The following OR2M7 variants were observed in gnomAD, a reference collection of about 807,000 sequenced individuals.
The protein encoded by OR2M7 is olfactory receptor family 2 subfamily M member 7.
For synonymous variants in OR2M7, 129 were observed against 135.0 expected (o/e 0.96, Z 0.31); for missense variants, 390 against 386.8 (o/e 1.01, Z -0.07).
At position 248,324,061 on chromosome 1, in the gene OR2M7, C is replaced by A. The variant is rs370494801; in HGVS notation, c.508G>T (p.Gly170Trp). 7 of 1,613,686 alleles carry A rather than the reference C, an allele frequency of 4.3e-6. No individual in the cohort carries two copies. In the African/African-American group the frequency reaches 9.4e-5, roughly 22 times the overall value. Residue 170 changes from glycine (G) to tryptophan (W), a missense_variant, in exon 1 of 1, where the codon GGG (glycine) becomes TGG (tryptophan). Physicochemically the swap from Gly to Trp is radical, Grantham distance 184. Coordinates refer to ENST00000317965, the MANE Select transcript of OR2M7 (RefSeq NM_001004691.1). ...CAGAAGTGGGCTATTTCCCGAGACC[C>A]ACAGTAGGAGAAGGAAAATGTCGCT... is the stretch of plus-strand genomic sequence containing the variant. ...AVATFSFSYC[G>W]SREIAHFCCD...
chr1:248,323,854 T>C lies in OR2M7; in HGVS notation c.715A>G (p.Thr239Ala). The C allele has an allele frequency of 6.2e-7, 1 of 1,612,976 alleles. No individual in the cohort carries two copies. The highest frequency in any genetic ancestry group is 8.5e-7 in the Non-Finnish European group (1 of 1,179,792). ...GSGEGRRKAF[T>A]TCSSHLMVVG... ...ACCATGAGGTGAGAGGAACAAGTAGTAAAAGCTTTGCGACGTCCCTCTCCA... is the reference window on the plus strand; with the variant it reads ...ACCATGAGGTGAGAGGAACAAGTAGCAAAAGCTTTGCGACGTCCCTCTCCA... The change falls in exon 1 of 1, where the codon ACT becomes GCT. Residue 239 changes from threonine to alanine, a missense_variant. Thr to Ala is a moderately conservative substitution (Grantham distance 58, BLOSUM62 0). Transcript: ENST00000317965.
Position 248,323,633 on chromosome 1 carries a change from A to T in OR2M7, c.936T>A (p.Asp312Glu). 6.4e-7 allele frequency: 1 copy of T among 1,561,270 alleles called. No individual in the cohort carries two copies. Among genetic ancestry groups the T allele is most frequent in the Non-Finnish European group, 8.6e-7 (1 of 1,156,796 alleles). Residue 312 changes from aspartate (D) to glutamate (E), a missense_variant, in exon 1 of 1, where the codon GAT (aspartate) becomes GAA (glutamate). Transcript: ENST00000317965. ...MKILGKGKSG[D>E] ...AACATGAAATTTATGAGGTAACTCA[A>T]TCTCCAGACTTGCCCTTTCCTAAGA...
chr1:248,323,745 G>A lies in OR2M7; in HGVS notation c.824C>T (p.Ser275Phe). ...HHSPMQDKMVSVFYTIVTPML... is the reference protein window; with the variant it reads ...HHSPMQDKMVFVFYTIVTPML... The stretch of plus-strand genomic sequence containing the variant: ...GGGAGTGACGATGGTGTAGAATACA[G>A]ACACCATCTTGTCCTGCATAGGAGA... The change falls in exon 1 of 1, where the codon TCT becomes TTT. Residue 275 changes from serine (S) to phenylalanine (F), a missense_variant. Physicochemically the swap from Ser to Phe is radical, Grantham distance 155 (BLOSUM62 -2). Coordinates refer to ENST00000317965, the MANE Select transcript of OR2M7 (RefSeq NM_001004691.1). 1 of 1,613,298 alleles carries A rather than the reference G, an allele frequency of 6.2e-7. No individual in the cohort carries two copies. The highest frequency in any genetic ancestry group is 8.5e-7 in the Non-Finnish European group (1 of 1,179,368).
chr1:248,323,679 A>G lies in OR2M7; in HGVS notation c.890T>C (p.Val297Ala). Reference sequence around the variant, plus strand: ...TAAGATTTTCATTAATGCTCTGGTCACTTCCTTGTTGCGGAGGCTATAAAT... The same window carrying G: ...TAAGATTTTCATTAATGCTCTGGTCGCTTCCTTGTTGCGGAGGCTATAAAT... ...PLIYSLRNKEVTRALMKILGK... is the reference protein window; with the variant it reads ...PLIYSLRNKEATRALMKILGK... The change falls in exon 1 of 1, where the codon GTG becomes GCG. Residue 297 changes from valine to alanine, a missense_variant. By Grantham distance (64) the Val-to-Ala change is moderately conservative. Coordinates refer to ENST00000317965, the MANE Select transcript of OR2M7 (RefSeq NM_001004691.1). 6.2e-7 allele frequency: 1 copy of G among 1,608,608 alleles called. No homozygotes were observed. Among genetic ancestry groups the G allele is most frequent in the Non-Finnish European group, 8.5e-7 (1 of 1,177,530 alleles).
At position 248,324,001 on chromosome 1, in the gene OR2M7, T is replaced by C; in HGVS notation, c.568A>G (p.Asn190Asp). ...DFPSLLILSC[N>D]DTSIFEEVIF... ...ACCTCTTCAAATATTGATGTGTCAT[T>C]GCATGAGAGGATTAGTAGGGAAGGG... The change falls in exon 1 of 1, where the codon AAT (asparagine) becomes GAT (aspartate). Residue 190 changes from asparagine (N) to aspartate (D), a missense_variant. Physicochemically the swap from Asn to Asp is conservative, Grantham distance 23 (BLOSUM62 1). Transcript: ENST00000317965. 1 of 1,613,866 alleles carries C rather than the reference T, an allele frequency of 6.2e-7. No individual in the cohort carries two copies. Among genetic ancestry groups the C allele is most frequent in the Non-Finnish European group, 8.5e-7 (1 of 1,179,822 alleles).
rs201887074 is a variant in OR2M7 at position 248,324,344 on chromosome 1, G to T, written c.225C>A (p.Cys75Ter). Residue 75 changes from cysteine to a stop codon, truncating the protein, a stop_gained, in exon 1 of 1, where the codon TGC (cysteine) becomes TGA (stop). Transcript: ENST00000317965. LOFTEE classifies it low-confidence loss of function (END_TRUNC). Reference protein sequence around the residue: ...QLSLMDLMLICTTVPKMAFNY... With the variant: ...QLSLMDLMLI Reference sequence around the variant, plus strand: ...TGAAGGCCATCTTGGGTACAGTGGTGCAGATGAGCATGAGGTCCATGAGGG... The same window carrying T: ...TGAAGGCCATCTTGGGTACAGTGGTTCAGATGAGCATGAGGTCCATGAGGG... 30 of 1,613,928 alleles carry T rather than the reference G, an allele frequency of 1.9e-5. No homozygotes were observed. Among genetic ancestry groups the T allele is most frequent in the Non-Finnish European group, 2.4e-5 (28 of 1,179,958 alleles).
chr1:248,323,730 A>G lies in OR2M7; in HGVS notation c.839T>C (p.Ile280Thr). 2 of 1,613,672 alleles carry G rather than the reference A, an allele frequency of 1.2e-6. No individual in the cohort carries two copies. The highest frequency in any genetic ancestry group is 8.5e-7 in the Non-Finnish European group (1 of 1,179,704). ...GAGAGGATTCAGCATGGGAGTGACG[A>G]TGGTGTAGAATACAGACACCATCTT... ...QDKMVSVFYT[I>T]VTPMLNPLIY... Residue 280 changes from isoleucine to threonine, a missense_variant, in exon 1 of 1, where the codon ATC becomes ACC. Transcript: ENST00000317965.
chr1:248,323,647 C>A lies in OR2M7; in HGVS notation c.922G>T (p.Gly308Cys). Residue 308 changes from glycine (G) to cysteine (C), a missense_variant, in exon 1 of 1, where the codon GGC (glycine) becomes TGC (cysteine). Transcript: ENST00000317965. ...TRALMKILGK[G>C]KSGD ...GAGGTAACTCAATCTCCAGACTTGCCCTTTCCTAAGATTTTCATTAATGCT... is the reference window on the plus strand; with the variant it reads ...GAGGTAACTCAATCTCCAGACTTGCACTTTCCTAAGATTTTCATTAATGCT... 1 of 1,582,938 alleles carries A rather than the reference C, an allele frequency of 6.3e-7. No homozygotes were observed. The highest frequency in any genetic ancestry group is 8.6e-7 in the Non-Finnish European group (1 of 1,165,396).
chr1:248,324,095 A>G lies in OR2M7; in HGVS notation c.474T>C (p.Ile158=). Residue 158 remains isoleucine, a synonymous_variant, in exon 1 of 1, where the codon ATT becomes ATC. Transcript: ENST00000317965. The part of the protein sequence containing the change: ...SWILGSTDGI[I]DAVATFSFSY... ...AGAAGGAAAATGTCGCTACAGCATC[A>G]ATGATTCCATCTGTAGAGCCCAGGA... The G allele has an allele frequency of 6.2e-7, 1 of 1,613,914 alleles. No homozygotes were observed. The highest frequency in any genetic ancestry group is 8.5e-7 in the Non-Finnish European group (1 of 1,179,840).
At position 248,324,046 on chromosome 1, in the gene OR2M7, C is replaced by T. The variant is rs781730003; in HGVS notation, c.523G>A (p.Ala175Thr). The change falls in exon 1 of 1, where the codon GCC (alanine) becomes ACC (threonine). Residue 175 changes from alanine to threonine, a missense_variant. Coordinates refer to ENST00000317965, the MANE Select transcript of OR2M7 (RefSeq NM_001004691.1). ...SFSYCGSREI[A>T]HFCCDFPSLL... The stretch of plus-strand genomic sequence containing the variant: ...GAAGGGAAGTCACAGCAGAAGTGGG[C>T]TATTTCCCGAGACCCACAGTAGGAG... 1 of 1,613,784 alleles carries T rather than the reference C, an allele frequency of 6.2e-7. No individual in the cohort carries two copies. The highest frequency in any genetic ancestry group is 1.1e-5 in the South Asian group (1 of 91,052).
Position 248,323,865 on chromosome 1 carries a change from C to T in OR2M7, c.704G>A (p.Arg235His), listed in dbSNP as rs144015069. Reference protein sequence around the residue: ...VIHMGSGEGRRKAFTTCSSHL... With the variant: ...VIHMGSGEGRHKAFTTCSSHL... ...AGAGGAACAAGTAGTAAAAGCTTTG[C>T]GACGTCCCTCTCCAGATCCCATGTG... The change falls in exon 1 of 1, where the codon CGC (arginine) becomes CAC (histidine). Residue 235 changes from arginine (R) to histidine (H), a missense_variant. Physicochemically the swap from Arg to His is conservative, Grantham distance 29 (BLOSUM62 0). Transcript: ENST00000317965. The T allele has an allele frequency of 4.0e-5, 64 of 1,612,590 alleles. No homozygotes were observed. The highest frequency in any genetic ancestry group is 1.9e-4 in the Middle Eastern group (1 of 5,138).
rs770768904 is a variant in OR2M7, at chr1:248,324,386, G to T, written c.183C>A (p.Phe61Leu). 6.2e-7 allele frequency: 1 copy of T among 1,613,988 alleles called. No homozygotes were observed. The highest frequency in any genetic ancestry group is 8.5e-7 in the Non-Finnish European group (1 of 1,179,952). Reference sequence around the variant, plus strand: ...CCATGAGGGACAGTTGGCTGAGGAGGAAGTACATGGGGGTGTGGAGCTGGG... The same window carrying T: ...CCATGAGGGACAGTTGGCTGAGGAGTAAGTACATGGGGGTGTGGAGCTGGG... ...LDTQLHTPMY[F>L]LLSQLSLMDL... The change falls in exon 1 of 1, where the codon TTC becomes TTA. Residue 61 changes from phenylalanine to leucine, a missense_variant. By Grantham distance (22) the Phe-to-Leu change is conservative. Transcript: ENST00000317965.
chr1:248,324,349 T>C lies in OR2M7; in HGVS notation c.220A>G (p.Ile74Val). The change falls in exon 1 of 1, where the codon ATC (isoleucine) becomes GTC (valine). Residue 74 changes from isoleucine (I) to valine (V), a missense_variant. By Grantham distance (29) the Ile-to-Val change is conservative (BLOSUM62 3). Transcript: ENST00000317965. ...SQLSLMDLML[I>V]CTTVPKMAFN... The stretch of plus-strand genomic sequence containing the variant: ...GCCATCTTGGGTACAGTGGTGCAGA[T>C]GAGCATGAGGTCCATGAGGGACAGT... 1 of 1,614,020 alleles carries C rather than the reference T, an allele frequency of 6.2e-7. No individual in the cohort carries two copies. The highest frequency in any genetic ancestry group is 8.5e-7 in the Non-Finnish European group (1 of 1,179,964).
At position 248,324,396 on chromosome 1, in the gene OR2M7, G is replaced by A. The variant is rs1660128126; in HGVS notation, c.173C>T (p.Pro58Leu). The change falls in exon 1 of 1, where the codon CCC (proline) becomes CTC (leucine). Residue 58 changes from proline to leucine, a missense_variant. Physicochemically the swap from Pro to Leu is moderately conservative, Grantham distance 98. Coordinates refer to ENST00000317965, the MANE Select transcript of OR2M7 (RefSeq NM_001004691.1). ...LIYLDTQLHT[P>L]MYFLLSQLSL... ...CAGTTGGCTGAGGAGGAAGTACATG[G>A]GGGTGTGGAGCTGGGTATCCAGGTA... 2 of 1,613,848 alleles carry A rather than the reference G, an allele frequency of 1.2e-6. No individual in the cohort carries two copies. Among genetic ancestry groups the A allele is most frequent in the Non-Finnish European group, 1.7e-6 (2 of 1,179,936 alleles).
At position 248,324,526 on chromosome 1, in the gene OR2M7, G is replaced by A; in HGVS notation, c.43C>T (p.Leu15=). ...NQTFNSDFLL[L]GIFNHSPTHT... ...GTGGGGCTATGATTGAAGATTCCCA[G>A]GAGGAGGAAGTCAGAGTTGAAGGTC... is the stretch of plus-strand genomic sequence containing the variant. The change falls in exon 1 of 1, where the codon CTG becomes TTG. Residue 15 remains leucine (L), a synonymous_variant. Transcript: ENST00000317965. 1 of 1,610,480 alleles carries A rather than the reference G, an allele frequency of 6.2e-7. No individual in the cohort carries two copies. The highest frequency in any genetic ancestry group is 8.5e-7 in the Non-Finnish European group (1 of 1,178,260).
At position 248,323,817 on chromosome 1, in the gene OR2M7, T is replaced by A. The variant is rs755854393; in HGVS notation, c.752A>T (p.Tyr251Phe). The change falls in exon 1 of 1, where the codon TAC (tyrosine) becomes TTC (phenylalanine). Residue 251 changes from tyrosine (Y) to phenylalanine (F), a missense_variant. Coordinates refer to ENST00000317965, the MANE Select transcript of OR2M7 (RefSeq NM_001004691.1). Reference sequence around the variant, plus strand: ...GCACATGAACAAACCTGCTCCATAGTACATTCCCACCACCATGAGGTGAGA... The same window carrying A: ...GCACATGAACAAACCTGCTCCATAGAACATTCCCACCACCATGAGGTGAGA... Reference protein sequence around the residue: ...CSSHLMVVGMYYGAGLFMCIQ... With the variant: ...CSSHLMVVGMFYGAGLFMCIQ... 6.2e-7 allele frequency: 1 copy of A among 1,613,576 alleles called. No individual in the cohort carries two copies. Among genetic ancestry groups the A allele is most frequent in the South Asian group, 1.1e-5 (1 of 91,056 alleles).
Position 248,323,652 on chromosome 1 carries a change from C to A in OR2M7, c.917G>T (p.Gly306Val). The part of the protein sequence containing the change: ...EVTRALMKIL[G>V]KGKSGD ...AACTCAATCTCCAGACTTGCCCTTT[C>A]CTAAGATTTTCATTAATGCTCTGGT... The change falls in exon 1 of 1, where the codon GGA becomes GTA. Residue 306 changes from glycine to valine, a missense_variant. Physicochemically the swap from Gly to Val is moderately radical, Grantham distance 109 (BLOSUM62 -3). Coordinates refer to ENST00000317965, the MANE Select transcript of OR2M7 (RefSeq NM_001004691.1). 2 of 1,587,568 alleles carry A rather than the reference C, an allele frequency of 1.3e-6. No individual in the cohort carries two copies. Among genetic ancestry groups the A allele is most frequent in the Non-Finnish European group, 1.7e-6 (2 of 1,167,462 alleles).
rs748592004 is a variant in OR2M7 at position 248,324,256 on chromosome 1, T to C, written c.313A>G (p.Ile105Val). The change falls in exon 1 of 1, where the codon ATA becomes GTA. Residue 105 changes from isoleucine (I) to valine (V), a missense_variant. Ile to Val is a conservative substitution (Grantham distance 29, BLOSUM62 3). Transcript: ENST00000317965. Reference protein sequence around the residue: ...AGCATQIFFYISLLGSECFLL... With the variant: ...AGCATQIFFYVSLLGSECFLL... The stretch of plus-strand genomic sequence containing the variant: ...AAGCATTCGGAGCCAAGCAATGATA[T>C]ATAGAAGAAAATTTGTGTGGCACAG... 3.2e-5 allele frequency: 51 copies of C among 1,613,872 alleles called. No individual in the cohort carries two copies. Among genetic ancestry groups the C allele is most frequent in the Non-Finnish European group, 4.3e-5 (51 of 1,179,980 alleles).
chr1:248,323,771 A>G lies in OR2M7; in HGVS notation c.798T>C (p.His266=). 1 of 1,613,800 alleles carries G rather than the reference A, an allele frequency of 6.2e-7. No individual in the cohort carries two copies. Among genetic ancestry groups the G allele is most frequent in the Non-Finnish European group, 8.5e-7 (1 of 1,179,758 alleles). ...LFMCIQPTSH[H]SPMQDKMVSV... ...ACACCATCTTGTCCTGCATAGGAGA[A>G]TGATGAGATGTGGGCTGAATGCACA... is the stretch of plus-strand genomic sequence containing the variant. Residue 266 remains histidine, a synonymous_variant, in exon 1 of 1, where the codon CAT becomes CAC. Coordinates refer to ENST00000317965, the MANE Select transcript of OR2M7 (RefSeq NM_001004691.1).
Sources: allele counts gnomAD v4.1 joint callset, GRCh38; gene constraint gnomAD v4.1.1; transcripts MANE v1.5; gene names NCBI Gene and HGNC (gene_info 2026-07-23, HGNC 2026-07-21).